Variants in ATAD2 observed in about 807,000 individuals in gnomAD.
The protein encoded by ATAD2 is ATPase family AAA domain-containing protein 2.
A neutral mutation model predicts 168.9 loss-of-function variants in ATAD2; 62 were observed. The ratio of observed to expected loss-of-function variants is 0.37; its 90% CI spans 0.30 to 0.45. The LOEUF is 0.45. Ranked by LOEUF, ATAD2 falls within the 20% of genes least tolerant of loss-of-function variation. The pLI, the probability that ATAD2 is intolerant of heterozygous loss-of-function variation, is 1.00. For synonymous variants in ATAD2, 613 were observed against 571.6 expected, an observed-to-expected ratio of 1.07 and a Z score of -1.03; for missense variants, 1,419 against 1,667.8, an observed-to-expected ratio of 0.85 and a Z score of 2.60.
chr8:123,395,284 C>T (rs1489593617), intron 1 of ATAD2, among the ~76,000 whole-genome samples: 1 of 152,156 alleles, frequency 6.6e-6, no homozygotes, highest in Non-Finnish European at 1.5e-5. Context: ...TGAAACCCCT[C>T]CACCTAGGCC....
intron 13 of ATAD2, among the ~76,000 whole-genome samples, chr8:123,350,594 C>G (rs1828418679): frequency 6.6e-6 from 1 of 152,124 alleles, no homozygotes; most frequent in African/African-American, 2.4e-5. Flanking sequence ...GTTGAAGAAA[C>G]TGGGTCGTTT....
chr8:123,371,867 A>C (rs769133819), intron 3 of ATAD2, 32 bp from the exon 4 acceptor site: 2 of 1,485,498 alleles, frequency 1.3e-6, no homozygotes. Flanking sequence ...AATAAATAGA[A>C]ACATTTGAAA....
Position 123,396,309 on chromosome 8 carries a change from A to G in ATAD2, c.49T>C (p.Ser17Pro), listed in dbSNP as rs1277587913. 3.7e-6 allele frequency: 6 copies of G among 1,609,890 alleles called. No individual in the cohort carries two copies. Among genetic ancestry groups the G allele is most frequent in the Non-Finnish European group, 4.2e-6 (5 of 1,178,826 alleles). ...GACAGGTCCAAGGAGCCCGTGGCCG[A>G]GGCCGCGGAGTGGTTGTGCAGCTCC... is the stretch of plus-strand genomic sequence containing the variant. ...SLELHNHSAA[S>P]ATGSLDLSSD... is the part of the protein sequence containing the mutation. The change falls in exon 1 of 28, where the codon TCG becomes CCG. Residue 17 changes from serine (S) to proline (P), a missense_variant. By Grantham distance (74) the Ser-to-Pro change is moderately conservative. Transcript: ENST00000287394.
At chr8:123,348,395 G>A in intron 14 of ATAD2, 122 bp from the exon 15 acceptor site, 1 of 708,830 alleles carries the variant, frequency 1.4e-6, no homozygotes, top group Non-Finnish European at 2.2e-6. Context: ...ACTTAATACT[G>A]GCCGGGTGCG....
chr8:123,325,971 C>T lies in ATAD2; in HGVS notation c.3924G>A (p.Gln1308=), dbSNP rs781670659. 5.0e-6 allele frequency: 8 copies of T among 1,614,066 alleles called. No individual in the cohort carries two copies. Among genetic ancestry groups the T allele is most frequent in the Non-Finnish European group, 3.4e-6 (4 of 1,179,962 alleles). The change falls in exon 26 of 28, where the codon CAG becomes CAA. Residue 1308 remains glutamine (Q), a synonymous_variant. Coordinates refer to ENST00000287394, the MANE Select transcript of ATAD2 (RefSeq NM_014109.4). ...RARRSQVEQQ[Q]LITVEKALAI... is the part of the protein sequence containing the mutation. ...CCAAAGCCTTTTCAACAGTGATGAG[C>T]TGCTGCTGTTCTACCTGGGAACGTC...
At chr8:123,407,602 T>C (rs1161329282) in intron 1 of ATAD2, among the ~76,000 whole-genome samples, 2 of 151,636 alleles carry the variant, frequency 1.3e-5, no homozygotes, top group African/African-American at 4.9e-5. Context: ...CGGGCGCCTG[T>C]AGTCCCAGCA....
chr8:123,347,429 G>A, intron 15 of ATAD2, 23 bp from the exon 16 acceptor site: 1 of 1,537,884 alleles, frequency 6.5e-7, no homozygotes, highest in Non-Finnish European at 8.8e-7. Flanking sequence ...ACCAGGGGAA[G>A]AAAAGAACCA....
intron 13 of ATAD2, among the ~76,000 whole-genome samples, chr8:123,353,243 A>G (rs1828530368): frequency 6.6e-6 from 1 of 152,058 alleles, no homozygotes; most frequent in South Asian, 2.1e-4. Flanking sequence ...ACATGCCTGT[A>G]ATCCCAGCTA....
At position 123,413,917 on chromosome 8, in the gene ATAD2, C is replaced by G. The variant is rs189572905; in HGVS notation, c.-2282+2331G>C. 9.9e-5 allele frequency among the ~76,000 whole-genome samples: 15 copies of G among 151,296 alleles called. No homozygotes were observed. In the East Asian group the frequency reaches 2.9e-3, roughly 29 times the overall value. On this transcript the variant is annotated intron_variant, in intron 1 of 28. Coordinates refer to the ATAD2 transcript ENST00000521903. The stretch of plus-strand genomic sequence containing the variant: ...AGAGTATGGCGGCGGGGAGGGTGGC[C>G]GAGGCGGGCAGATCACTTGAGGTCA...
In ATAD2 at chr8:123,337,964, T is replaced by C. The variant is rs1009086219; in HGVS notation, c.2855-143A>G. The C allele has an allele frequency of 5.1e-6, 4 of 787,950 alleles. No individual in the cohort carries two copies. In the East Asian group the frequency reaches 8.5e-5, roughly 17 times the overall value. The allele number at this position is 787,950 out of a possible 1,614,324, so 48.8% of individuals were successfully genotyped here. ...CCAAAGATTTGAAATACAAAAGTATTACCATAATCTCTAACCCTACGTCCC... is the reference window on the plus strand; with the variant it reads ...CCAAAGATTTGAAATACAAAAGTATCACCATAATCTCTAACCCTACGTCCC... On this transcript the variant is annotated intron_variant, in intron 20 of 27. Transcript: ENST00000287394.
At position 123,339,615 on chromosome 8, in the gene ATAD2, A is replaced by G. The variant is rs539397157; in HGVS notation, c.2719-169T>C. 1.6e-4 allele frequency among the ~76,000 whole-genome samples: 24 copies of G among 152,310 alleles called. No individual in the cohort carries two copies. In the East Asian group the frequency reaches 4.4e-3, roughly 28 times the overall value. On this transcript the variant is annotated intron_variant, in intron 19 of 27. Coordinates refer to ENST00000287394, the MANE Select transcript of ATAD2 (RefSeq NM_014109.4). ...TGTCCAAATAAACCCATCATATGTC[A>G]AGGAGCATCTATACAGTATATAAAC...
chr8:123,360,937 C>CAAA (rs34721440), intron 9 of ATAD2, among the ~76,000 whole-genome samples: 90 of 104,312 alleles, frequency 8.6e-4, no homozygotes, highest in African/African-American at 2.9e-3. Flanking sequence ...TTATTATAAG[C>CAAA]AAAAAAAAAA....
chr8:123,346,173 A>G lies in ATAD2; in HGVS notation c.2445T>C (p.His815=). The G allele has an allele frequency of 5.0e-6, 8 of 1,613,506 alleles. No individual in the cohort carries two copies. The highest frequency in any genetic ancestry group is 6.8e-6 in the Non-Finnish European group (8 of 1,179,700). ...TATATACAGTAAACTTTTCCAAAGCATGAATGACAGCTGGTGCCAAGTGAG... is the reference window on the plus strand; with the variant it reads ...TATATACAGTAAACTTTTCCAAAGCGTGAATGACAGCTGGTGCCAAGTGAG... The part of the protein sequence containing the change: ...QGSHLAPAVI[H]ALEKFTVYTL... The change falls in exon 18 of 28, where the codon CAT becomes CAC. Residue 815 remains histidine, a synonymous_variant. Transcript: ENST00000287394.
Position 123,370,986 on chromosome 8 carries a change from T to G in ATAD2, c.644A>C (p.Asn215Thr), listed in dbSNP as rs1829134099. ...TTTTCCTCTTGTGTACATATTAAGA[T>G]TGCTCTAAAAATGTTTAAATAAAAG... is the stretch of plus-strand genomic sequence containing the variant. The part of the protein sequence containing the change: ...LGVFNETEES[N>T]LNMYTRGKQK... Residue 215 changes from asparagine (N) to threonine (T), a missense_variant, in exon 6 of 28, where the codon AAT becomes ACT. By Grantham distance (65) the Asn-to-Thr change is moderately conservative. Around this residue, in one of 5 missense-constraint regions of ATAD2, gnomAD observed 419 missense variants for 423.5 expected, o/e 0.99. Coordinates refer to ENST00000287394, the MANE Select transcript of ATAD2 (RefSeq NM_014109.4). 1 of 1,573,498 alleles carries G rather than the reference T, an allele frequency of 6.4e-7. No homozygotes were observed. Among genetic ancestry groups the G allele is most frequent in the African/African-American group, 1.4e-5 (1 of 73,226 alleles).
In ATAD2 at chr8:123,346,587, CA is replaced by C. The variant is rs1204482661; in HGVS notation, c.2345+30del. ...TTTATTTTTAGAAAATTTACACATGCAAAAAACATTGATTTGCAAGAAAAAT... is the reference window on the plus strand; with the variant it reads ...TTTATTTTTAGAAAATTTACACATGCAAAAACATTGATTTGCAAGAAAAAT... On this transcript the variant is annotated intron_variant, in intron 17 of 27. Transcript: ENST00000287394. 21 of 1,493,012 alleles carry C rather than the reference CA, an allele frequency of 1.4e-5. No individual in the cohort carries two copies. In the African/African-American group the frequency reaches 1.4e-4, roughly 10 times the overall value. 92.5% of individuals were successfully genotyped at this position (1,493,012 alleles called of 1,614,324 possible).
intron 13 of ATAD2, 26 bp from the exon 14 acceptor site, chr8:123,349,470 A>T: frequency 6.3e-7 from 1 of 1,587,178 alleles, no homozygotes; most frequent in Non-Finnish European, 8.6e-7. Flanking sequence ...AAGAGAGAAG[A>T]GATTAATACT....
At position 123,356,342 on chromosome 8, in the gene ATAD2, C is replaced by G. The variant is rs993918234; in HGVS notation, c.1646+47G>C. 6.1e-6 allele frequency: 9 copies of G among 1,486,366 alleles called. No homozygotes were observed. The African/African-American group carries it at 1.3e-4, about 21-fold the overall frequency. The allele number at this position is 1,486,366 out of a possible 1,614,324, so 92.1% of individuals were successfully genotyped here. A position where few individuals can be genotyped will look rare whatever the true frequency, so the allele number is the denominator to read the frequency against. ...TTCTATCTCTCACACATCAATACCA[C>G]TCAGGAAATAGGAAGAAACGTTGAA... On this transcript the variant is annotated intron_variant, in intron 13 of 27. Transcript: ENST00000287394.
intron 2 of ATAD2, among the ~76,000 whole-genome samples, chr8:123,373,082 C>T (rs761157762): frequency 9.2e-5 from 14 of 151,732 alleles, no homozygotes; most frequent in Admixed American, 1.3e-4. Flanking sequence ...TTAGTAGAGA[C>T]GAGGTTTCAC....
intron 26 of ATAD2, among the ~76,000 whole-genome samples, chr8:123,324,089 C>G (rs1030537665): frequency 1.8e-4 from 28 of 152,338 alleles, no homozygotes; most frequent in African/African-American, 6.5e-4. Flanking sequence ...ATGAGATTTA[C>G]ATGGGTTTTC....
Sources: gnomAD v4.1 joint callset for allele counts (sites outside exome capture counted in the v4.1 genomes callset) on GRCh38, gnomAD v4.1.1 for gene constraint, gnomAD v4.1.1 regional missense constraint, MANE v1.5 for transcripts, NCBI Gene and HGNC (gene_info 2026-07-23, HGNC 2026-07-21) for gene names.